Variants in ERBB4 observed in about 807,000 individuals in gnomAD.
ERBB4 encodes erb-b2 receptor tyrosine kinase 4.
A neutral mutation model predicts 158.0 loss-of-function variants in ERBB4; 42 were observed. The ratio of observed to expected loss-of-function variants is 0.27; its 90% CI spans 0.21 to 0.34. ERBB4 has a LOEUF of 0.34. Ranked by LOEUF, ERBB4 falls within the 10% of genes least tolerant of loss-of-function variation. The pLI is 1.00. For missense variants in ERBB4, 1,333 were observed against 1,624.1 expected (o/e 0.82, Z 3.08); for synonymous variants, 583 against 558.7 (o/e 1.04, Z -0.61).
chr2:212,005,975 AT>A (rs2076250064), intron 2 of ERBB4, among the ~76,000 whole-genome samples: 1 of 147,218 alleles, frequency 6.8e-6, no homozygotes, highest in Non-Finnish European at 1.5e-5. Context: ...GATTGCAAAA[AT>A]TTGCTTCTAT....
rs555372114 is a variant in ERBB4, at chr2:212,274,275, C to T, written c.83-149372G>A. Among the ~76,000 whole-genome samples, 3 of 151,890 alleles carry T rather than the reference C, an allele frequency of 2.0e-5. No individual in the cohort carries two copies. The South Asian group carries it at 6.2e-4, about 32-fold the overall frequency. ...CTTGTAATGTTAAGACATTTCTCTCCTTCTTGGGAGCACTTCCAGCATCAC... is the reference window on the plus strand; with the variant it reads ...CTTGTAATGTTAAGACATTTCTCTCTTTCTTGGGAGCACTTCCAGCATCAC... On this transcript the variant is annotated intron_variant, in intron 1 of 27. Coordinates refer to ENST00000342788, the MANE Select transcript of ERBB4 (RefSeq NM_005235.3).
intron 4 of ERBB4, among the ~76,000 whole-genome samples, chr2:211,756,913 T>A (rs1231560671): frequency 6.6e-6 from 1 of 152,246 alleles, no homozygotes; most frequent in Admixed American, 6.5e-5. Flanking sequence ...TAGAGTTTAT[T>A]CTTTGATTTG....
intron 1 of ERBB4, among the ~76,000 whole-genome samples, chr2:212,243,190 T>A (rs1401831300): frequency 6.6e-6 from 1 of 152,210 alleles, no homozygotes; most frequent in Non-Finnish European, 1.5e-5. Context: ...GTTTCATTTT[T>A]TTAATATTCA....
At chr2:212,122,540 G>A (rs1382441371) in intron 2 of ERBB4, among the ~76,000 whole-genome samples, 2 of 151,992 alleles carry the variant, frequency 1.3e-5, no homozygotes, top group Non-Finnish European at 2.9e-5. Context: ...TTTTGTAAAA[G>A]AAACAGCTTA....
intron 3 of ERBB4, among the ~76,000 whole-genome samples, chr2:211,838,254 G>A (rs1370489465): frequency 6.6e-6 from 1 of 151,860 alleles, no homozygotes; most frequent in African/African-American, 2.4e-5. Context: ...GCGGGGTGGG[G>A]GATGGTGGTG....
At chr2:211,890,391 A>C (rs2078931234) in intron 3 of ERBB4, among the ~76,000 whole-genome samples, 1 of 148,440 alleles carries the variant, frequency 6.7e-6, no homozygotes, top group Admixed American at 6.7e-5. Flanking sequence ...GCCCTAAAAG[A>C]GCTCCTGAAG....
intron 1 of ERBB4, among the ~76,000 whole-genome samples, chr2:212,320,514 G>A (rs1445521442): frequency 2.1e-5 from 3 of 141,712 alleles, no homozygotes. Context: ...TTACATGACA[G>A]AAAAAAAAAA....
intron 20 of ERBB4, among the ~76,000 whole-genome samples, chr2:211,435,345 G>A (rs1361340391): frequency 6.6e-6 from 1 of 151,804 alleles, no homozygotes; most frequent in African/African-American, 2.4e-5. Flanking sequence ...AGAACACAGC[G>A]GTCATTAAAG....
At chr2:211,811,110 G>A (rs1356055991) in intron 3 of ERBB4, among the ~76,000 whole-genome samples, 2 of 152,106 alleles carry the variant, frequency 1.3e-5, no homozygotes, top group Admixed American at 6.5e-5. Context: ...TCCTAGCATC[G>A]ATGGTCTTTA....
At chr2:212,229,504 C>A (rs1472768815) in intron 1 of ERBB4, among the ~76,000 whole-genome samples, 1 of 152,076 alleles carries the variant, frequency 6.6e-6, no homozygotes, top group Non-Finnish European at 1.5e-5. Context: ...CAGAAAGGTA[C>A]TAAAGGGCCA....
At chr2:211,727,885 A>AT (rs571575076) in intron 5 of ERBB4, among the ~76,000 whole-genome samples, 10 of 151,892 alleles carry the variant, frequency 6.6e-5, no homozygotes, top group South Asian at 2.1e-4. Flanking sequence ...GTTACATGCT[A>AT]TTTTTTACCA....
At chr2:211,787,002 C>G (rs2076180559) in intron 4 of ERBB4, among the ~76,000 whole-genome samples, 1 of 152,124 alleles carries the variant, frequency 6.6e-6, no homozygotes, top group Non-Finnish European at 1.5e-5. Context: ...AAGTTTTAGC[C>G]ATTTATTAAA....
At chr2:211,757,039 T>C (rs138078399) in intron 4 of ERBB4, among the ~76,000 whole-genome samples, 88 of 152,346 alleles carry the variant, frequency 5.8e-4, no homozygotes, top group African/African-American at 1.9e-3. Flanking sequence ...AGTCTCAATA[T>C]GATTTGAGCA....
At chr2:212,315,347 C>T (rs561410629) in intron 1 of ERBB4, among the ~76,000 whole-genome samples, 1 of 151,200 alleles carries the variant, frequency 6.6e-6, no homozygotes, top group Non-Finnish European at 1.5e-5. Context: ...AAATGAGAAT[C>T]CAACACGTGG....
At chr2:212,517,583 G>C (rs1691917217) in intron 1 of ERBB4, among the ~76,000 whole-genome samples, 1 of 151,994 alleles carries the variant, frequency 6.6e-6, no homozygotes, top group East Asian at 1.9e-4. Context: ...GTTAGCATGA[G>C]AGTGACTGCA....
At chr2:211,639,979 T>C (rs1224425672) in intron 16 of ERBB4, among the ~76,000 whole-genome samples, 1 of 152,192 alleles carries the variant, frequency 6.6e-6, no homozygotes, top group Non-Finnish European at 1.5e-5. Flanking sequence ...CGCCTCGGCC[T>C]TCCAAAGTGC....
chr2:212,258,275 A>G (rs2084811896), intron 1 of ERBB4, among the ~76,000 whole-genome samples: 1 of 151,956 alleles, frequency 6.6e-6, no homozygotes, highest in African/African-American at 2.4e-5. Flanking sequence ...CCTCTCATTA[A>G]AGACTACTTT....
chr2:211,898,942 A>G (rs914912289), intron 3 of ERBB4, among the ~76,000 whole-genome samples: 4 of 152,106 alleles, frequency 2.6e-5, no homozygotes, highest in Non-Finnish European at 2.9e-5. Flanking sequence ...CAATCGTCCA[A>G]ACTACCATTC....
intron 1 of ERBB4, among the ~76,000 whole-genome samples, chr2:212,265,533 G>A (rs1352578459): frequency 6.6e-6 from 1 of 151,958 alleles, no homozygotes; most frequent in Non-Finnish European, 1.5e-5. Flanking sequence ...GGCTTTGGGG[G>A]TCTCTAATGT....
Sources: allele counts gnomAD v4.1 joint callset (sites outside exome capture counted in the v4.1 genomes callset), GRCh38; gene constraint gnomAD v4.1.1; transcripts MANE v1.5; gene names NCBI Gene and HGNC (gene_info 2026-07-23, HGNC 2026-07-21).